Variants in NCKAP5 observed in about 807,000 individuals in gnomAD.
The protein encoded by NCKAP5 is NCK associated protein 5, also known as nck-associated protein 5.
A neutral mutation model predicts 167.0 loss-of-function variants in NCKAP5; 92 were observed. That is an observed-to-expected ratio of 0.55 (90% CI 0.47 to 0.66). The LOEUF is 0.66. NCKAP5 is among the 30% of genes least tolerant of loss of function. The probability of loss-of-function intolerance (pLI) is 0.00; values close to 1 mark genes in which losing one functional copy is unlikely to be tolerated. For synonymous variants in NCKAP5, 891 were observed against 877.4 expected (o/e 1.02, Z -0.27); for missense variants, 2,378 against 2,315.0 (o/e 1.03, Z -0.56).
At chr2:133,450,277 T>C (rs2151195586) in intron 3 of NCKAP5, among the ~76,000 whole-genome samples, 1 of 152,344 alleles carries the variant, frequency 6.6e-6, no homozygotes, top group East Asian at 1.9e-4. Flanking sequence ...TTGAGTCATT[T>C]TATTCTCCCA....
intron 19 of NCKAP5, among the ~76,000 whole-genome samples, chr2:132,692,062 A>T (rs1187057213): frequency 6.6e-6 from 1 of 151,332 alleles, no homozygotes; most frequent in Non-Finnish European, 1.5e-5. Context: ...CCAATCAGTC[A>T]CTCTGAAGCC....
At chr2:133,511,870 G>T (rs1344797928) in intron 3 of NCKAP5, among the ~76,000 whole-genome samples, 2 of 152,186 alleles carry the variant, frequency 1.3e-5, no homozygotes, top group Non-Finnish European at 2.9e-5. Context: ...GGACAACTTG[G>T]CAGGTTCCCA....
intron 5 of NCKAP5, among the ~76,000 whole-genome samples, chr2:133,194,924 G>A (rs2085374514): frequency 6.6e-6 from 1 of 151,446 alleles, no homozygotes; most frequent in South Asian, 2.1e-4. Flanking sequence ...AAATTTAACA[G>A]TAGTTGAGCA....
chr2:133,471,079 C>T (rs1258457119), intron 3 of NCKAP5, among the ~76,000 whole-genome samples: 4 of 152,232 alleles, frequency 2.6e-5, no homozygotes, highest in South Asian at 2.1e-4. Context: ...TCATCATCAT[C>T]AATCATCAGT....
chr2:133,440,956 T>C (rs1690811736), intron 3 of NCKAP5, among the ~76,000 whole-genome samples: 1 of 152,142 alleles, frequency 6.6e-6, no homozygotes, highest in South Asian at 2.1e-4. Flanking sequence ...ATGAACTTGG[T>C]CAATTTTCAA....
At chr2:133,419,777 C>A (rs13396930) in intron 3 of NCKAP5, among the ~76,000 whole-genome samples, 1 of 152,016 alleles carries the variant, frequency 6.6e-6, no homozygotes, top group African/African-American at 2.4e-5. Context: ...TCAGCAAAAT[C>A]ATTCACAATT....
chr2:132,919,266 T>C (rs1238165439), intron 8 of NCKAP5, among the ~76,000 whole-genome samples: 1 of 152,136 alleles, frequency 6.6e-6, no homozygotes, highest in African/African-American at 2.4e-5. Flanking sequence ...TCCCAGGATG[T>C]GTTCACTTCA....
At chr2:132,895,115 A>T (rs1013230518) in intron 8 of NCKAP5, among the ~76,000 whole-genome samples, 11 of 152,106 alleles carry the variant, frequency 7.2e-5, no homozygotes, top group East Asian at 1.9e-4. Context: ...GCGGATCACA[A>T]GGTCAGGAGA....
chr2:132,966,946 T>C (rs1198119013), intron 7 of NCKAP5, among the ~76,000 whole-genome samples: 2 of 152,138 alleles, frequency 1.3e-5, no homozygotes, highest in Non-Finnish European at 2.9e-5. Context: ...GTTTATTGCA[T>C]GAAAGCTAAA....
In NCKAP5 at chr2:132,939,186, C is replaced by T. The variant is rs1237723873; in HGVS notation, c.579+24534G>A. Among the ~76,000 whole-genome samples the T allele has an allele frequency of 3.3e-5, 5 of 152,270 alleles. No homozygotes were observed. In the East Asian group the frequency reaches 9.6e-4, roughly 29 times the overall value. ...GTTAACTTTTGATCTCAAGTCTTCT[C>T]CCCACAGCTTAATTTATTAAAACTA... On this transcript the variant is annotated intron_variant, in intron 8 of 19. Coordinates refer to ENST00000409261, the MANE Select transcript of NCKAP5 (RefSeq NM_207363.3).
chr2:132,992,195 A>G (rs944066086), intron 7 of NCKAP5, among the ~76,000 whole-genome samples: 1 of 152,234 alleles, frequency 6.6e-6, no homozygotes, highest in African/African-American at 2.4e-5. Context: ...TGTGACATTA[A>G]TTCAAGTTAA....
intron 4 of NCKAP5, among the ~76,000 whole-genome samples, chr2:133,242,470 G>A (rs1315788796): frequency 6.6e-6 from 1 of 152,132 alleles, no homozygotes; most frequent in Non-Finnish European, 1.5e-5. Flanking sequence ...GAAGCAGAAG[G>A]CAACCTATTG....
At chr2:133,238,599 G>A (rs1322717543) in intron 4 of NCKAP5, among the ~76,000 whole-genome samples, 4 of 152,052 alleles carry the variant, frequency 2.6e-5, no homozygotes, top group Non-Finnish European at 4.4e-5. Context: ...TCTCCTAAAC[G>A]ACTTCTGGAA....
chr2:133,045,216 A>G (rs2079353849), intron 6 of NCKAP5, among the ~76,000 whole-genome samples: 2 of 152,158 alleles, frequency 1.3e-5, no homozygotes, highest in Admixed American at 1.3e-4. Context: ...CACAGAAAAA[A>G]TGTGCTATCT....
At chr2:132,680,536 G>A (rs953225148) in intron 19 of NCKAP5, among the ~76,000 whole-genome samples, 1 of 152,156 alleles carries the variant, frequency 6.6e-6, no homozygotes, top group African/African-American at 2.4e-5. Flanking sequence ...AGGTCAGTGG[G>A]AAGCTTAGGG....
chr2:132,705,836 AT>A (rs965078566), intron 19 of NCKAP5, among the ~76,000 whole-genome samples: 15 of 152,318 alleles, frequency 9.8e-5, no homozygotes, highest in Middle Eastern at 3.4e-3. Flanking sequence ...CCCAGAGAAG[AT>A]TAGTGATTTC....
At position 133,078,955 on chromosome 2, in the gene NCKAP5, G is replaced by A. The variant is rs150765455; in HGVS notation, c.341+51023C>T. On this transcript the variant is annotated intron_variant, in intron 6 of 19. Coordinates refer to ENST00000409261, the MANE Select transcript of NCKAP5 (RefSeq NM_207363.3). ...GAGATGAAAGAGAGAAGGAAGACAT[G>A]GGATCATAATCTGGAGGAACGAGGC... Among the ~76,000 whole-genome samples the A allele has an allele frequency of 4.6e-3, 698 of 152,202 alleles. 5 individuals are homozygous for A. The highest frequency in any genetic ancestry group is 0.016 in the African/African-American group (680 of 41,544).
At chr2:133,532,785 A>T (rs77768882) in intron 2 of NCKAP5, among the ~76,000 whole-genome samples, 6,288 of 152,152 alleles carry the variant, frequency 0.041, 154 homozygotes, top group South Asian at 0.067. Flanking sequence ...TTAATACCAC[A>T]GATTTACCGA....
In NCKAP5 at chr2:133,150,462, A is replaced by G. The variant is rs1174405972; in HGVS notation, c.208-20351T>C. Among the ~76,000 whole-genome samples, 3 of 152,214 alleles carry G rather than the reference A, an allele frequency of 2.0e-5. No homozygotes were observed. In the East Asian group the frequency reaches 5.8e-4, roughly 29 times the overall value. The stretch of plus-strand genomic sequence containing the variant: ...GTGTTCTTTACCTCCAGGATTTCTA[A>G]CTGAGTTGGGGCTGAGTCTCACATC... On this transcript the variant is annotated intron_variant, in intron 5 of 19. Transcript: ENST00000409261.
Sources: allele counts gnomAD v4.1 joint callset (sites outside exome capture counted in the v4.1 genomes callset), GRCh38; gene constraint gnomAD v4.1.1; transcripts MANE v1.5; gene names NCBI Gene and HGNC (gene_info 2026-07-23, HGNC 2026-07-21).